The following L2HGDH variants were observed in gnomAD, a reference collection of about 807,000 sequenced individuals.
The protein encoded by L2HGDH is L-2-hydroxyglutarate dehydrogenase.
A neutral mutation model predicts 51.5 loss-of-function variants in L2HGDH; 34 were observed. That is an observed-to-expected ratio of 0.66 (90% CI 0.50 to 0.88). The LOEUF (loss-of-function observed/expected upper bound fraction) is 0.88, where lower values mean the gene tolerates loss of function less well. Among genes scored for constraint, L2HGDH ranks in the 40% least tolerant of loss-of-function variants. L2HGDH has a pLI of 0.00. For missense variants in L2HGDH, 558 were observed against 571.9 expected (o/e 0.98, Z 0.25); for synonymous variants, 198 against 197.9 (o/e 1.00, Z -0.01).
intron 4 of L2HGDH, among the ~76,000 whole-genome samples, chr14:50,290,197 T>C (rs562493128): frequency 1.3e-5 from 2 of 151,796 alleles, no homozygotes; most frequent in East Asian, 3.9e-4. Context: ...AACCCAAGAG[T>C]TGGAGCTTGC....
intron 9 of L2HGDH, among the ~76,000 whole-genome samples, chr14:50,261,183 G>C (rs988046316): frequency 1.3e-5 from 2 of 151,776 alleles, no homozygotes; most frequent in African/African-American, 4.8e-5. Flanking sequence ...GGCTCAATAT[G>C]TCAATAGCAT....
At chr14:50,304,502 C>T (rs923694452) in intron 1 of L2HGDH, among the ~76,000 whole-genome samples, 21 of 152,144 alleles carry the variant, frequency 1.4e-4, no homozygotes, top group African/African-American at 5.1e-4. Context: ...GGCTTAGGAA[C>T]CACAATCTTT....
At chr14:50,292,102 A>G (rs951552414) in intron 4 of L2HGDH, among the ~76,000 whole-genome samples, 3 of 123,932 alleles carry the variant, frequency 2.4e-5, no homozygotes, top group Non-Finnish European at 5.6e-5. Context: ...GATAATAAAT[A>G]TAAGAGACAT....
chr14:50,301,993 C>G (rs767715371), intron 3 of L2HGDH, 24 bp downstream of exon 3: 1 of 1,613,086 alleles, frequency 6.2e-7, no homozygotes, highest in East Asian at 2.2e-5. Context: ...GGAAATTAGT[C>G]AAGGCTCTAA....
intron 5 of L2HGDH, among the ~76,000 whole-genome samples, chr14:50,283,171 A>T (rs1378841433): frequency 1.3e-5 from 2 of 152,006 alleles, no homozygotes; most frequent in Non-Finnish European, 2.9e-5. Flanking sequence ...ACTGCACTCC[A>T]GCCTAGGCAA....
Position 50,302,939 on chromosome 14 carries a change from T to C in L2HGDH, c.219A>G (p.Ser73=). 3.7e-6 allele frequency: 6 copies of C among 1,613,886 alleles called. No individual in the cohort carries two copies. The highest frequency in any genetic ancestry group is 5.1e-6 in the Non-Finnish European group (6 of 1,179,802). Reference sequence around the variant, plus strand: ...CCTTTTCCAGAACACCAATAGAAAGTGATGGATGTCGCAGGATGAGTGCTC... The same window carrying C: ...CCTTTTCCAGAACACCAATAGAAAGCGATGGATGTCGCAGGATGAGTGCTC... ...SARALILRHP[S]LSIGVLEKEK... Residue 73 remains serine, a synonymous_variant, in exon 2 of 10, where the codon TCA becomes TCG. Transcript: ENST00000267436.
intron 9 of L2HGDH, among the ~76,000 whole-genome samples, chr14:50,252,051 A>T (rs1293606966): frequency 6.6e-6 from 1 of 152,018 alleles, no homozygotes; most frequent in Admixed American, 6.6e-5. Context: ...AAAAATAGTA[A>T]CTACAACAAC....
In L2HGDH at chr14:50,254,876, G is replaced by A. The variant is rs545563744; in HGVS notation, c.1197-7623C>T. On this transcript the variant is annotated intron_variant, in intron 9 of 9. Transcript: ENST00000267436. ...CAACATGGTGAAATCCCATATATAC[G>A]AGAAAAAAAAAATCAATCAGGCGTG... Among the ~76,000 whole-genome samples, 5 of 150,862 alleles carry A rather than the reference G, an allele frequency of 3.3e-5. No individual in the cohort carries two copies. The South Asian group carries it at 8.4e-4, about 25-fold the overall frequency.
chr14:50,291,009 C>G (rs985683978), intron 4 of L2HGDH, among the ~76,000 whole-genome samples: 1 of 151,580 alleles, frequency 6.6e-6, no homozygotes, highest in African/African-American at 2.4e-5. Flanking sequence ...ACCAGCCTGG[C>G]CAATATGGTG....
In L2HGDH at chr14:50,302,959, G is replaced by C. The variant is rs2030500938; in HGVS notation, c.199C>G (p.Leu67Val). The C allele has an allele frequency of 1.9e-6, 3 of 1,614,032 alleles. No individual in the cohort carries two copies. The highest frequency in any genetic ancestry group is 2.5e-6 in the Non-Finnish European group (3 of 1,179,930). Residue 67 changes from leucine (L) to valine (V), a missense_variant, in exon 2 of 10, where the codon CTC becomes GTC. Leu to Val is a conservative substitution (Grantham distance 32). Around this residue, in one of 3 missense-constraint regions of L2HGDH, gnomAD observed 194 missense variants for 187.2 expected, o/e 1.04. Coordinates refer to ENST00000267436, the MANE Select transcript of L2HGDH (RefSeq NM_024884.3). The stretch of plus-strand genomic sequence containing the variant: ...GAAAGTGATGGATGTCGCAGGATGA[G>C]TGCTCTGGCAGAGGCAAGCCCCACA... The part of the protein sequence containing the change: ...GIVGLASARA[L>V]ILRHPSLSIG...
In L2HGDH at chr14:50,312,192, A is replaced by ACTTG; in HGVS notation, c.-46_-43dup. ...CCTCCCTCAGCGCTCAGAAGAAGCC[A>ACTTG]CTTGACCCTCCACGGCCGAGGACCC... On this transcript the variant is annotated 5_prime_UTR_variant, in exon 1 of 10. Coordinates refer to ENST00000267436, the MANE Select transcript of L2HGDH (RefSeq NM_024884.3). 4.4e-6 allele frequency: 7 copies of ACTTG among 1,604,924 alleles called. No individual in the cohort carries two copies. The South Asian group carries it at 7.7e-5, about 18-fold the overall frequency.
chr14:50,277,020 T>C (rs763480541), intron 6 of L2HGDH, among the ~76,000 whole-genome samples: 1 of 152,198 alleles, frequency 6.6e-6, no homozygotes, highest in African/African-American at 2.4e-5. Context: ...TCTCTAAACA[T>C]TGCCAAATGT....
chr14:50,282,607 T>G, intron 5 of L2HGDH: 1 of 433,946 alleles, frequency 2.3e-6, no homozygotes, highest in Non-Finnish European at 4.6e-6. Flanking sequence ...ACTCACTACT[T>G]GTACAACCAT....
Position 50,244,730 on chromosome 14 carries a change from A to C in L2HGDH, c.*2328T>G, listed in dbSNP as rs932100967. The C allele has an allele frequency of 1.0e-6, 1 of 985,322 alleles. No homozygotes were observed. Among genetic ancestry groups the C allele is most frequent in the East Asian group, 1.1e-4 (1 of 8,832 alleles). The allele number at this position is 985,322 out of a possible 1,614,324, so 61.0% of individuals were successfully genotyped here. On this transcript the variant is annotated 3_prime_UTR_variant, in exon 10 of 10. Coordinates refer to ENST00000267436, the MANE Select transcript of L2HGDH (RefSeq NM_024884.3). Reference sequence around the variant, plus strand: ...ATTAATGGATGAGGTAGCTCAATCAATGTAATCATCAATGCTTGAAGTGAG... The same window carrying C: ...ATTAATGGATGAGGTAGCTCAATCACTGTAATCATCAATGCTTGAAGTGAG...
rs568540844 is a variant in L2HGDH at position 50,244,188 on chromosome 14, G to GTA, written c.*2868_*2869dup. 836 of 156,010 alleles carry GTA rather than the reference G, an allele frequency of 5.4e-3. 9 individuals are homozygous for GTA. The highest frequency in any genetic ancestry group is 0.019 in the African/African-American group (802 of 41,572). 9.7% of individuals were successfully genotyped at this position (156,010 alleles called of 1,614,324 possible). ...AGCAGCATGATTTATAGTCCCTTGG[G>GTA]TATATACCCAGTAATGGGATGGCTG... On this transcript the variant is annotated 3_prime_UTR_variant, in exon 10 of 10. Transcript: ENST00000267436.
rs1887883618 is a variant in L2HGDH, at chr14:50,243,664, TATA to T, written c.*3391_*3393del. ...TTCATTTTTATTTTTCAGGGTATTT[TATA>T]TATATATATATATATATATTGTTTA... is the stretch of plus-strand genomic sequence containing the variant. On this transcript the variant is annotated 3_prime_UTR_variant, in exon 10 of 10. Transcript: ENST00000267436. 8.9e-6 allele frequency: 1 copy of T among 112,120 alleles called. No homozygotes were observed. Among genetic ancestry groups the T allele is most frequent in the Non-Finnish European group, 1.5e-5 (1 of 67,952 alleles). 6.9% of individuals were successfully genotyped at this position (112,120 alleles called of 1,614,324 possible).
In L2HGDH at chr14:50,256,220, A is replaced by G. The variant is rs141938219; in HGVS notation, c.1197-8967T>C. Among the ~76,000 whole-genome samples the G allele has an allele frequency of 8.1e-3, 1,230 of 152,202 alleles. 53 individuals carry two copies. The highest frequency in any genetic ancestry group is 0.073 in the Admixed American group (1,110 of 15,256). On this transcript the variant is annotated intron_variant, in intron 9 of 9. Coordinates refer to ENST00000267436, the MANE Select transcript of L2HGDH (RefSeq NM_024884.3). ...TTATAAAACTCCACTGCTAATCTAA[A>G]TATATAAGTCCATACCAGGCATAGT...
At chr14:50,259,367 T>G (rs199658088) in intron 9 of L2HGDH, among the ~76,000 whole-genome samples, 19 of 3,940 alleles carry the variant, frequency 4.8e-3, no homozygotes, top group Admixed American at 0.012. Context: ...TCTTTTTCGG[T>G]TTTTTTTTTT....
chr14:50,278,373 T>C (rs1890085882), intron 6 of L2HGDH, 147 bp downstream of exon 6: 1 of 632,212 alleles, frequency 1.6e-6, no homozygotes, highest in Non-Finnish European at 2.8e-6. Context: ...GAATAAAAGC[T>C]GTTAAACTTC....
Sources: gnomAD v4.1 joint callset for allele counts (sites outside exome capture counted in the v4.1 genomes callset) on GRCh38, gnomAD v4.1.1 for gene constraint, gnomAD v4.1.1 regional missense constraint, MANE v1.5 for transcripts, NCBI Gene and HGNC (gene_info 2026-07-23, HGNC 2026-07-21) for gene names.